The following PLCZ1 variants were observed in gnomAD, a reference collection of about 807,000 sequenced individuals.
PLCZ1 encodes 1-phosphatidylinositol 4,5-bisphosphate phosphodiesterase zeta-1.
PLCZ1 carries 64 observed loss-of-function variants against 76.8 expected under a neutral mutation model. The ratio of observed to expected loss-of-function variants is 0.83; its 90% CI spans 0.68 to 1.03. The LOEUF (loss-of-function observed/expected upper bound fraction) is 1.03, where lower values mean the gene tolerates loss of function less well. Ranked by LOEUF, PLCZ1 falls within the 50% of genes least tolerant of loss-of-function variation. PLCZ1 has a pLI of 0.00. For missense variants in PLCZ1, 751 were observed against 713.7 expected (o/e 1.05, Z -0.60); for synonymous variants, 248 against 230.8 (o/e 1.07, Z -0.68).
At chr12:18,724,464 C>G (rs1027768574) in intron 3 of PLCZ1, among the ~76,000 whole-genome samples, 3 of 151,856 alleles carry the variant, frequency 2.0e-5, no homozygotes, top group African/African-American at 7.3e-5. Context: ...TTAAAAAATG[C>G]TTTTTTATAA....
chr12:18,667,017 A>T, the PLCZ1 span, among the ~76,000 whole-genome samples: 1 of 152,316 alleles, frequency 6.6e-6, no homozygotes, highest in Middle Eastern at 3.4e-3. Context: ...CCGTTTCTCA[A>T]TAATGGTGTA....
At chr12:18,648,940 A>G in the PLCZ1 span, among the ~76,000 whole-genome samples, 3 of 152,004 alleles carry the variant, frequency 2.0e-5, no homozygotes. Flanking sequence ...TTCCCTGTGT[A>G]TGAATGAAAA....
At chr12:18,665,123 A>T in the PLCZ1 span, among the ~76,000 whole-genome samples, 1 of 151,818 alleles carries the variant, frequency 6.6e-6, no homozygotes, top group Non-Finnish European at 1.5e-5. Flanking sequence ...TAACCTGCAC[A>T]TTGTGCACAT....
chr12:18,688,963 A>G (rs922527305), intron 12 of PLCZ1, among the ~76,000 whole-genome samples: 2 of 152,058 alleles, frequency 1.3e-5, no homozygotes, highest in Non-Finnish European at 2.9e-5. Context: ...GGAATAAAGA[A>G]AGGAAAAGAG....
chr12:18,703,430 T>C (rs936449600), intron 7 of PLCZ1, among the ~76,000 whole-genome samples: 3 of 152,222 alleles, frequency 2.0e-5, no homozygotes, highest in Non-Finnish European at 4.4e-5. Context: ...AGTTCAGCCC[T>C]GGAAACTTAG....
chr12:18,671,727 AT>A, the PLCZ1 span, among the ~76,000 whole-genome samples: 3 of 152,152 alleles, frequency 2.0e-5, no homozygotes, highest in African/African-American at 4.8e-5. Context: ...GGAAATTTGA[AT>A]TTTTTTCCAA....
intron 5 of PLCZ1, among the ~76,000 whole-genome samples, chr12:18,713,317 A>G (rs1957564348): frequency 6.6e-6 from 1 of 152,058 alleles, no homozygotes; most frequent in South Asian, 2.1e-4. Flanking sequence ...CCTACTCCCA[A>G]CCCATATAAT....
chr12:18,670,510 TA>T, the PLCZ1 span, among the ~76,000 whole-genome samples: 1 of 152,308 alleles, frequency 6.6e-6, no homozygotes, highest in South Asian at 2.1e-4. Context: ...ACACAGTTCT[TA>T]ACCTCTTTAA....
intron 12 of PLCZ1, among the ~76,000 whole-genome samples, chr12:18,691,002 G>T (rs1953986339): frequency 6.6e-6 from 1 of 152,164 alleles, no homozygotes; most frequent in African/African-American, 2.4e-5. Context: ...GTGGAGAATA[G>T]ATATGGAGGA....
At chr12:18,707,986 T>C (rs891491491) in intron 6 of PLCZ1, among the ~76,000 whole-genome samples, 2 of 152,174 alleles carry the variant, frequency 1.3e-5, no homozygotes, top group Non-Finnish European at 2.9e-5. Flanking sequence ...TATCCATCAT[T>C]TCACAGTTAC....
chr12:18,721,878 T>C (rs1289707434), intron 4 of PLCZ1, among the ~76,000 whole-genome samples: 1 of 151,978 alleles, frequency 6.6e-6, no homozygotes, highest in African/African-American at 2.4e-5. Context: ...CACTACAATA[T>C]CGAGAACCCT....
chr12:18,693,175 T>C lies in PLCZ1; in HGVS notation c.1461+1735A>G. 1.9e-6 allele frequency: 3 copies of C among 1,547,518 alleles called. No homozygotes were observed. The South Asian group carries it at 3.3e-5, about 17-fold the overall frequency. ...ACATCTGTGGGCTCAGAACACTACA[T>C]CAGCATTCTTTCATTTGCAGACAAG... On this transcript the variant is annotated intron_variant, in intron 12 of 14. Transcript: ENST00000266505.
the PLCZ1 span, among the ~76,000 whole-genome samples, chr12:18,650,293 TTC>T: frequency 0.11 from 9,520 of 87,078 alleles, 727 homozygotes; most frequent in East Asian, 0.34. Context: ...TAACCCAAAT[TTC>T]TCTCTCTCTC....
the PLCZ1 span, among the ~76,000 whole-genome samples, chr12:18,669,777 CCTCCTGAGTAG>C: frequency 4.6e-5 from 7 of 152,132 alleles, no homozygotes; most frequent in Non-Finnish European, 1.0e-4. Context: ...CCTGCCTCAG[CCTCCTGAGTAG>C]CTGGGATTAC....
At chr12:18,679,998 T>C (rs11832413), downstream of PLCZ1, among the ~76,000 whole-genome samples, 465 of 152,104 alleles carry the variant, frequency 3.1e-3, 3 homozygotes, top group African/African-American at 9.8e-3. Flanking sequence ...ATGAATCCTA[T>C]AGAATGCTCA....
intron 3 of PLCZ1, among the ~76,000 whole-genome samples, chr12:18,726,256 C>A (rs1420882282): frequency 6.6e-6 from 1 of 152,112 alleles, no homozygotes; most frequent in Non-Finnish European, 1.5e-5. Context: ...TCACTACCAC[C>A]TTTAAAATGT....
intron 12 of PLCZ1, among the ~76,000 whole-genome samples, chr12:18,689,773 A>T (rs1194277329): frequency 6.6e-6 from 1 of 152,188 alleles, no homozygotes; most frequent in Non-Finnish European, 1.5e-5. Flanking sequence ...CTCAGATTGC[A>T]GGTGACGAAG....
chr12:18,698,317 A>T (rs1356985608), intron 10 of PLCZ1, among the ~76,000 whole-genome samples: 2 of 151,762 alleles, frequency 1.3e-5, no homozygotes, highest in Non-Finnish European at 1.5e-5. Context: ...ATCCCATTCC[A>T]TTCTACTCTA....
At chr12:18,647,914 C>G in the PLCZ1 span, 1 of 1,595,234 alleles carries the variant, frequency 6.3e-7, no homozygotes, top group Non-Finnish European at 8.6e-7. Context: ...AAGGACATGT[C>G]TTAATGCTTA....
Sources: gnomAD v4.1 joint callset for allele counts (sites outside exome capture counted in the v4.1 genomes callset) on GRCh38, gnomAD v4.1.1 for gene constraint, MANE v1.5 for transcripts, NCBI Gene and HGNC (gene_info 2026-07-23, HGNC 2026-07-21) for gene names.